The following NLRC3 variants were observed in gnomAD, a reference collection of about 807,000 sequenced individuals.
The protein encoded by NLRC3 is NLR family CARD domain containing 3.
NLRC3 carries 87 observed loss-of-function variants against 91.6 expected under a neutral mutation model. That is an observed-to-expected ratio of 0.95 (90% CI 0.80 to 1.14). The LOEUF (loss-of-function observed/expected upper bound fraction) is 1.14, where lower values mean the gene tolerates loss of function less well. NLRC3 is among the 50% of genes most tolerant of loss of function. The probability of loss-of-function intolerance (pLI) is 0.00; values close to 1 mark genes in which losing one functional copy is unlikely to be tolerated. For synonymous variants in NLRC3, 694 were observed against 625.3 expected (o/e 1.11, Z -1.64); for missense variants, 1,577 against 1,418.6 (o/e 1.11, Z -1.79).
intron 12 of NLRC3, 60 bp from the exon 13 acceptor site, chr16:3,549,285 A>C: frequency 7.9e-7 from 1 of 1,270,742 alleles, no homozygotes; most frequent in Admixed American, 2.0e-5. Flanking sequence ...TGGCAAAGCC[A>C]AGCCCAGGTG....
At chr16:3,556,453 C>T (rs1367574570) in intron 8 of NLRC3, among the ~76,000 whole-genome samples, 1 of 150,670 alleles carries the variant, frequency 6.6e-6, no homozygotes, top group Non-Finnish European at 1.5e-5. Context: ...TTGCGTAGGG[C>T]ATAAGATCCC....
chr16:3,561,487 G>T (rs1254360111), intron 6 of NLRC3, among the ~76,000 whole-genome samples: 1 of 152,156 alleles, frequency 6.6e-6, no homozygotes, highest in African/African-American at 2.4e-5. Flanking sequence ...GTCTAGTCCC[G>T]CCAGGTCACC....
At chr16:3,575,428 G>C (rs1042003340) in intron 1 of NLRC3, among the ~76,000 whole-genome samples, 10 of 152,228 alleles carry the variant, frequency 6.6e-5, no homozygotes, top group South Asian at 2.1e-4. Context: ...GAAAGACAGA[G>C]AGACTGAGGA....
At chr16:3,542,630 G>T (rs1555498020) in intron 18 of NLRC3, 62 bp downstream of exon 18, 1 of 959,484 alleles carries the variant, frequency 1.0e-6, no homozygotes, top group Non-Finnish European at 1.7e-6. Flanking sequence ...TATTCCATCA[G>T]GGAGGACCCA....
At chr16:3,558,209 C>T (rs1387073979) in intron 6 of NLRC3, among the ~76,000 whole-genome samples, 2 of 152,034 alleles carry the variant, frequency 1.3e-5, no homozygotes, top group East Asian at 3.9e-4. Flanking sequence ...AGGTGGCGCA[C>T]CTGTAGTCCA....
In NLRC3 at chr16:3,539,107, A is replaced by C. The variant is rs2038300144; in HGVS notation, c.*2718T>G. The C allele has an allele frequency of 6.6e-6, 1 of 152,184 alleles. No homozygotes were observed. Among genetic ancestry groups the C allele is most frequent in the Non-Finnish European group, 1.5e-5 (1 of 68,038 alleles). The allele number at this position is 152,184 out of a possible 1,614,324, so 9.4% of individuals were successfully genotyped here. A position where few individuals can be genotyped will look rare whatever the true frequency, so the allele number is the denominator to read the frequency against. ...CTCGGACTTCTGATGGGAAATCTGAACTGCTGTTTCTCTTTTAGCGTACAA... is the reference window on the plus strand; with the variant it reads ...CTCGGACTTCTGATGGGAAATCTGACCTGCTGTTTCTCTTTTAGCGTACAA... On this transcript the variant is annotated 3_prime_UTR_variant, in exon 20 of 20. Coordinates refer to ENST00000359128, the MANE Select transcript of NLRC3 (RefSeq NM_178844.4).
At position 3,543,425 on chromosome 16, in the gene NLRC3, T is replaced by G; in HGVS notation, c.2939A>C (p.Asp980Ala). Residue 980 changes from aspartate to alanine, a missense_variant and splice_region_variant, in exon 17 of 20, where the codon GAC becomes GCC. Transcript: ENST00000359128. ...LAVNRTLEILDLRGNAIGVAG... is the reference protein window; with the variant it reads ...LAVNRTLEILALRGNAIGVAG... ...CATAGATGGAGACTGGAATACTTAC[T>G]CGAGAATCTCCAAGGTTCTGTTCAC... The G allele has an allele frequency of 6.2e-7, 1 of 1,606,778 alleles. No individual in the cohort carries two copies. Among genetic ancestry groups the G allele is most frequent in the Non-Finnish European group, 8.5e-7 (1 of 1,174,372 alleles).
At chr16:3,546,894 G>A (rs1052177810) in intron 15 of NLRC3, among the ~76,000 whole-genome samples, 2 of 152,088 alleles carry the variant, frequency 1.3e-5, no homozygotes, top group Non-Finnish European at 2.9e-5. Context: ...GGAGCCCTGC[G>A]CAGAAGAGCC....
intron 6 of NLRC3, among the ~76,000 whole-genome samples, chr16:3,560,369 G>A (rs1177415516): frequency 2.0e-5 from 3 of 152,024 alleles, no homozygotes; most frequent in Non-Finnish European, 4.4e-5. Context: ...TCTGCAGTGA[G>A]CCAAGATCGT....
chr16:3,556,803 C>G (rs2039358381), intron 8 of NLRC3, 108 bp downstream of exon 8: 2 of 754,092 alleles, frequency 2.7e-6, no homozygotes, highest in Non-Finnish European at 4.6e-6. Context: ...GTGCCCGGCC[C>G]CATGCCTGCC....
At chr16:3,549,331 G>A (rs534531783) in intron 12 of NLRC3, 106 bp from the exon 13 acceptor site, 10 of 819,586 alleles carry the variant, frequency 1.2e-5, no homozygotes, top group Non-Finnish European at 1.8e-5. Context: ...CTGCAGGCGG[G>A]GGACCTAGAG....
At chr16:3,557,881 A>G (rs2039422958) in intron 6 of NLRC3, among the ~76,000 whole-genome samples, 1 of 152,198 alleles carries the variant, frequency 6.6e-6, no homozygotes, top group African/African-American at 2.4e-5. Flanking sequence ...GAGTGGGAGG[A>G]CAGACCCTCA....
chr16:3,553,516 T>C (rs1326147699), intron 9 of NLRC3, among the ~76,000 whole-genome samples: 3 of 152,122 alleles, frequency 2.0e-5, no homozygotes, highest in Non-Finnish European at 4.4e-5. Context: ...AAACGGCAAA[T>C]GGTGCTGCCT....
At chr16:3,560,582 G>T (rs1455808621) in intron 6 of NLRC3, among the ~76,000 whole-genome samples, 1 of 152,202 alleles carries the variant, frequency 6.6e-6, no homozygotes, top group Non-Finnish European at 1.5e-5. Context: ...TCCAGGAGAC[G>T]TTTCATAAGC....
chr16:3,561,709 TC>T lies in NLRC3; in HGVS notation c.2007del (p.Lys670ArgfsTer27). The T allele has an allele frequency of 6.2e-7, 1 of 1,611,968 alleles. No homozygotes were observed. ...CCCCTGGGTCTGTGTTACCTGATCT[TC>T]TGAATGCGACAGTCCTTCCCACTCA... ...SVLSGKDCRIQKISLAENQIS... is the reference protein window; with the variant it reads ...SVLSGKDCRIXKISLAENQIS... On this transcript the variant is annotated frameshift_variant, in exon 6 of 20. Transcript: ENST00000359128. LOFTEE classifies it high-confidence loss of function.
In NLRC3 at chr16:3,563,301, C is replaced by T. The variant is rs1269371837; in HGVS notation, c.1636G>A (p.Val546Met). The T allele has an allele frequency of 2.5e-6, 4 of 1,601,448 alleles. No homozygotes were observed. In the Admixed American group the frequency reaches 6.8e-5, roughly 27 times the overall value. Residue 546 changes from valine (V) to methionine (M), a missense_variant, in exon 5 of 20, where the codon GTG (valine) becomes ATG (methionine). By Grantham distance (21) the Val-to-Met change is conservative (BLOSUM62 1). Coordinates refer to ENST00000359128, the MANE Select transcript of NLRC3 (RefSeq NM_178844.4). ...AGGCAGCCCTGCAGGAGCTCAGCCA[C>T]CTGGGTCCGGTAGGCCTGGTGCTCG... ...QGEHQAYRTQ[V>M]AELLQGCLRP... is the part of the protein sequence containing the mutation.
rs145731874 is a variant in NLRC3 at position 3,547,330 on chromosome 16, G to A, written c.2771+805C>T. Among the ~76,000 whole-genome samples, 169 of 152,302 alleles carry A rather than the reference G, an allele frequency of 1.1e-3. 3 individuals are homozygous for A. The East Asian group carries it at 0.022, about 20-fold the overall frequency. On this transcript the variant is annotated intron_variant, in intron 15 of 19. Coordinates refer to ENST00000359128, the MANE Select transcript of NLRC3 (RefSeq NM_178844.4). ...GTCGTATGATTCTATTTTTGGCCACGTATCGCACAATTCCATTTATATGCG... is the reference window on the plus strand; with the variant it reads ...GTCGTATGATTCTATTTTTGGCCACATATCGCACAATTCCATTTATATGCG...
chr16:3,546,594 G>T (rs1417416238), intron 15 of NLRC3, among the ~76,000 whole-genome samples: 2 of 152,054 alleles, frequency 1.3e-5, no homozygotes, highest in East Asian at 3.9e-4. Flanking sequence ...GAAGTGGGAG[G>T]TGAGAGTGAA....
At chr16:3,552,575 G>A (rs944824584) in intron 9 of NLRC3, among the ~76,000 whole-genome samples, 1 of 152,116 alleles carries the variant, frequency 6.6e-6, no homozygotes, top group Non-Finnish European at 1.5e-5. Context: ...GGACCTCCAT[G>A]GACAAGTCTC....
Sources: allele counts gnomAD v4.1 joint callset (sites outside exome capture counted in the v4.1 genomes callset), GRCh38; gene constraint gnomAD v4.1.1; transcripts MANE v1.5; gene names NCBI Gene and HGNC (gene_info 2026-07-23, HGNC 2026-07-21).